The following ADAMTS2 variants were observed in gnomAD, a reference collection of about 807,000 sequenced individuals.
ADAMTS2 encodes ADAM metallopeptidase with thrombospondin type 1 motif 2, also known as A disintegrin and metalloproteinase with thrombospondin motifs 2.
In ADAMTS2, 50 loss-of-function variants were observed where a neutral mutation model predicts 123.0. That is an observed-to-expected ratio of 0.41 (90% CI 0.32 to 0.51). The LOEUF (loss-of-function observed/expected upper bound fraction) is 0.51, where lower values mean the gene tolerates loss of function less well. ADAMTS2 is among the 20% of genes least tolerant of loss of function. ADAMTS2 has a pLI of 0.35. For missense variants in ADAMTS2, 1,494 were observed against 1,705.2 expected, an observed-to-expected ratio of 0.88 and a Z score of 2.18; for synonymous variants, 678 against 695.4, an observed-to-expected ratio of 0.98 and a Z score of 0.39.
intron 5 of ADAMTS2, among the ~76,000 whole-genome samples, chr5:179,178,282 G>C (rs1212520394): frequency 6.6e-6 from 1 of 152,092 alleles, no homozygotes; most frequent in Admixed American, 6.6e-5. Context: ...CTCCCCGCCT[G>C]TGAATGGAGA....
At chr5:179,204,287 T>C (rs2457097) in intron 4 of ADAMTS2, among the ~76,000 whole-genome samples, 81,581 of 152,010 alleles carry the variant, frequency 0.54, 23,087 homozygotes, top group African/African-American at 0.7. Flanking sequence ...CCCAGCCACA[T>C]GAATGTGCTT....
Position 179,181,393 on chromosome 5 carries a change from C to T in ADAMTS2, c.892-238G>A, listed in dbSNP as rs1198933146. 6.6e-6 allele frequency among the ~76,000 whole-genome samples: 1 copy of T among 152,138 alleles called. No homozygotes were observed. ...CCCCTTCCTGAGCAACCCCACCCAC[C>T]AGCCCAGGGTTTCCTCACCTGGGGC... On this transcript the variant is annotated intron_variant, in intron 4 of 21. Coordinates refer to ENST00000251582, the MANE Select transcript of ADAMTS2 (RefSeq NM_014244.5). This position sits in a 1 kb window ranked among gnomAD's most constrained non-coding sequence, Gnocchi z 4.1.
intron 10 of ADAMTS2, among the ~76,000 whole-genome samples, chr5:179,140,584 G>A (rs1763146495): frequency 6.6e-6 from 1 of 152,112 alleles, no homozygotes; most frequent in East Asian, 1.9e-4. Context: ...TCTAGGGGGA[G>A]GAAGCGTCTA....
chr5:179,250,652 C>A (rs978458811), intron 3 of ADAMTS2, among the ~76,000 whole-genome samples: 2 of 152,258 alleles, frequency 1.3e-5, no homozygotes, highest in African/African-American at 4.8e-5. Flanking sequence ...GTGGGTGACG[C>A]AGCATTACCT....
chr5:179,277,240 C>T (rs1414928379), intron 2 of ADAMTS2, among the ~76,000 whole-genome samples: 2 of 152,110 alleles, frequency 1.3e-5, no homozygotes, highest in Non-Finnish European at 2.9e-5. Context: ...CCCCGCCCGT[C>T]TCTGTTGACC....
chr5:179,220,696 T>A (rs970113005), intron 3 of ADAMTS2, among the ~76,000 whole-genome samples: 6 of 152,144 alleles, frequency 3.9e-5, no homozygotes, highest in African/African-American at 1.4e-4. Context: ...CGCTCCTGAC[T>A]CCAGCAGCAT....
chr5:179,133,815 T>A (rs964804915), intron 13 of ADAMTS2, among the ~76,000 whole-genome samples: 5 of 151,724 alleles, frequency 3.3e-5, no homozygotes, highest in Non-Finnish European at 7.4e-5. Context: ...GCCTCCCAGG[T>A]TCAAGTGAGT....
At position 179,314,719 on chromosome 5, in the gene ADAMTS2, T is replaced by C. The variant is rs767440862; in HGVS notation, c.534+29048A>G. Among the ~76,000 whole-genome samples the C allele has an allele frequency of 6.6e-6, 1 of 152,130 alleles. No individual in the cohort carries two copies. Among genetic ancestry groups the C allele is most frequent in the African/African-American group, 2.4e-5 (1 of 41,424 alleles). ...GCTTCCACGCTCTTCCACCAAGCCC[T>C]TGTAGCCTTCCTGCACCCAGGTGGG... On this transcript the variant is annotated intron_variant, in intron 2 of 21. Coordinates refer to ENST00000251582, the MANE Select transcript of ADAMTS2 (RefSeq NM_014244.5). This position sits in a 1 kb window ranked among gnomAD's most constrained non-coding sequence, Gnocchi z 4.5.
chr5:179,280,657 C>T (rs1218371360), intron 2 of ADAMTS2, among the ~76,000 whole-genome samples: 1 of 152,128 alleles, frequency 6.6e-6, no homozygotes, highest in Non-Finnish European at 1.5e-5. Flanking sequence ...TGGGCGCACC[C>T]CCAGTGTCTT....
chr5:179,301,167 A>G (rs551783118), intron 2 of ADAMTS2, among the ~76,000 whole-genome samples: 3 of 152,126 alleles, frequency 2.0e-5, no homozygotes, highest in African/African-American at 7.2e-5. Flanking sequence ...AAAAAAAAAA[A>G]AAAGACAGCA....
rs143232465 is a variant in ADAMTS2, at chr5:179,167,930, T to C, written c.976-9051A>G. Among the ~76,000 whole-genome samples the C allele has an allele frequency of 6.4e-3, 980 of 152,296 alleles. 6 individuals are homozygous for C. The highest frequency in any genetic ancestry group is 0.01 in the Non-Finnish European group (703 of 68,008). On this transcript the variant is annotated intron_variant, in intron 5 of 21. Transcript: ENST00000251582. Reference sequence around the variant, plus strand: ...TAACACCAGTCCCTGGGGACTGGCCTACCCGCTGGGGCTGGCTCATGCCCC... The same window carrying C: ...TAACACCAGTCCCTGGGGACTGGCCCACCCGCTGGGGCTGGCTCATGCCCC...
chr5:179,251,762 C>T (rs957844480), intron 3 of ADAMTS2, among the ~76,000 whole-genome samples: 6 of 152,094 alleles, frequency 3.9e-5, no homozygotes, highest in African/African-American at 1.4e-4. Flanking sequence ...AAGCTGGCCA[C>T]AGAGAAGATG....
chr5:179,272,851 C>T lies in ADAMTS2; in HGVS notation c.688+60G>A. 1 of 1,580,674 alleles carries T rather than the reference C, an allele frequency of 6.3e-7. No homozygotes were observed. The highest frequency in any genetic ancestry group is 8.6e-7 in the Non-Finnish European group (1 of 1,168,080). On this transcript the variant is annotated intron_variant, in intron 3 of 21. Transcript: ENST00000251582. The surrounding 1 kb of genome is among the most constrained non-coding windows in gnomAD (Gnocchi z 5.8). ...GCTGCCTGAGTCTCTGGGATGCTCCCCTGGGGACCAGGGCCTCAGAGGGCT... is the reference window on the plus strand; with the variant it reads ...GCTGCCTGAGTCTCTGGGATGCTCCTCTGGGGACCAGGGCCTCAGAGGGCT...
intron 2 of ADAMTS2, among the ~76,000 whole-genome samples, chr5:179,297,425 G>A (rs1012480982): frequency 2.0e-5 from 3 of 151,852 alleles, no homozygotes; most frequent in East Asian, 3.9e-4. Context: ...GCTGCTTCTC[G>A]GCACCAAGAA....
rs1364874811 is a variant in ADAMTS2 at position 179,189,909 on chromosome 5, G to GGT, written c.892-8756_892-8755dup. Among the ~76,000 whole-genome samples the GGT allele has an allele frequency of 6.6e-6, 1 of 151,976 alleles. No homozygotes were observed. The highest frequency in any genetic ancestry group is 1.5e-5 in the Non-Finnish European group (1 of 68,024). On this transcript the variant is annotated intron_variant, in intron 4 of 21. Coordinates refer to ENST00000251582, the MANE Select transcript of ADAMTS2 (RefSeq NM_014244.5). This position sits in a 1 kb window ranked among gnomAD's most constrained non-coding sequence, Gnocchi z 4.2. ...CACAAGGGCGGGTCCGGCGGGGGCG[G>GGT]GTGGCAATATCACAAAGTACATTAC...
Position 179,110,884 on chromosome 5 carries a change from A to G in ADAMTS2, c.*2983T>C, listed in dbSNP as rs1762556073. The G allele has an allele frequency of 1.3e-5, 2 of 152,220 alleles. No individual in the cohort carries two copies. 9.4% of individuals were successfully genotyped at this position (152,220 alleles called of 1,614,324 possible). Reference sequence around the variant, plus strand: ...GCAAAAACACAGACATTTTAACTTTAATAAGTTATAAAAGTAAGGAGTCAA... The same window carrying G: ...GCAAAAACACAGACATTTTAACTTTGATAAGTTATAAAAGTAAGGAGTCAA... On this transcript the variant is annotated 3_prime_UTR_variant, in exon 22 of 22. Coordinates refer to ENST00000251582, the MANE Select transcript of ADAMTS2 (RefSeq NM_014244.5).
chr5:179,221,849 C>T (rs1008526953), intron 3 of ADAMTS2, among the ~76,000 whole-genome samples: 1 of 152,168 alleles, frequency 6.6e-6, no homozygotes, highest in African/African-American at 2.4e-5. Context: ...GCTGGGCCCC[C>T]AAACCACATG....
intron 3 of ADAMTS2, among the ~76,000 whole-genome samples, chr5:179,253,681 G>T (rs893775304): frequency 6.6e-6 from 1 of 151,084 alleles, no homozygotes; most frequent in Non-Finnish European, 1.5e-5. Flanking sequence ...TCTCTAATTT[G>T]TCCTGTCACC....
At chr5:179,296,596 G>C (rs116829157) in intron 2 of ADAMTS2, among the ~76,000 whole-genome samples, 2 of 152,142 alleles carry the variant, frequency 1.3e-5, no homozygotes, top group African/African-American at 2.4e-5. Flanking sequence ...CATCCGACTC[G>C]GATAAGGAAG....
Sources: allele counts gnomAD v4.1 joint callset (sites outside exome capture counted in the v4.1 genomes callset), GRCh38; gene constraint gnomAD v4.1.1; non-coding constraint Gnocchi (gnomAD v3.1); transcripts MANE v1.5; gene names NCBI Gene and HGNC (gene_info 2026-07-23, HGNC 2026-07-21).